Variants in MYO16 observed in about 807,000 individuals in gnomAD.
MYO16 encodes the protein unconventional myosin-XVI.
A neutral mutation model predicts 205.3 loss-of-function variants in MYO16; 94 were observed. The observed-to-expected ratio is 0.46, with a 90% CI of 0.39 to 0.54. The LOEUF is 0.54. MYO16 is among the 20% of genes least tolerant of loss of function. The probability of loss-of-function intolerance (pLI) is 0.00; values close to 1 mark genes in which losing one functional copy is unlikely to be tolerated. For missense variants in MYO16, 2,315 were observed against 2,387.5 expected (o/e 0.97, Z 0.63); for synonymous variants, 988 against 954.0 (o/e 1.04, Z -0.66).
At chr13:109,033,560 A>C (rs1474524767) in intron 23 of MYO16, among the ~76,000 whole-genome samples, 3 of 152,174 alleles carry the variant, frequency 2.0e-5, no homozygotes, top group African/African-American at 4.8e-5. Flanking sequence ...AAGAAAATGG[A>C]AAATTATTGA....
intron 16 of MYO16, among the ~76,000 whole-genome samples, chr13:108,928,792 A>AAAG (rs1882124221): frequency 1.3e-5 from 2 of 152,212 alleles, no homozygotes; most frequent in East Asian, 3.8e-4. Context: ...CAGGTAAGCC[A>AAAG]ATGATAGCTT....
At chr13:108,509,294 C>A in the MYO16 span, among the ~76,000 whole-genome samples, 19,254 of 151,968 alleles carry the variant, frequency 0.13, 1,374 homozygotes, top group East Asian at 0.23. Context: ...TTTTAAGTGA[C>A]GATTTCTCTC....
chr13:108,920,417 T>C (rs1468997532), intron 16 of MYO16, among the ~76,000 whole-genome samples: 1 of 151,750 alleles, frequency 6.6e-6, no homozygotes, highest in African/African-American at 2.4e-5. Flanking sequence ...TCTCTCTCTT[T>C]CTTTCTTTCC....
intron 15 of MYO16, among the ~76,000 whole-genome samples, chr13:108,901,536 C>T (rs1023416120): frequency 2.0e-5 from 3 of 152,088 alleles, no homozygotes; most frequent in African/African-American, 2.4e-5. Flanking sequence ...GAACTGTGAC[C>T]GTAAATTCAA....
intron 28 of MYO16, among the ~76,000 whole-genome samples, chr13:109,115,861 T>G (rs1457255978): frequency 2.0e-5 from 3 of 152,194 alleles, no homozygotes; most frequent in Non-Finnish European, 4.4e-5. Context: ...CTGTAAAGAC[T>G]GCATTCAGAA....
intron 4 of MYO16, among the ~76,000 whole-genome samples, chr13:108,768,719 A>C (rs1056406166): frequency 9.9e-5 from 15 of 152,172 alleles, no homozygotes; most frequent in Admixed American, 9.8e-4. Flanking sequence ...AGCATATTTG[A>C]GGAAAACATA....
At chr13:108,961,713 T>G (rs911069410) in intron 18 of MYO16, 57 bp downstream of exon 18, 4 of 1,347,950 alleles carry the variant, frequency 3.0e-6, no homozygotes, top group Non-Finnish European at 4.3e-6. Context: ...TTTGTAGATC[T>G]ACCAGTAGAT....
At chr13:108,703,268 A>G (rs1172608330) in intron 2 of MYO16, among the ~76,000 whole-genome samples, 1 of 152,168 alleles carries the variant, frequency 6.6e-6, no homozygotes, top group African/African-American at 2.4e-5. Context: ...AAGAGCTAGA[A>G]TACATATGTA....
At chr13:109,167,892 A>G (rs1010271251) in intron 33 of MYO16, among the ~76,000 whole-genome samples, 1 of 152,202 alleles carries the variant, frequency 6.6e-6, no homozygotes, top group Admixed American at 6.5e-5. Flanking sequence ...AGGAAAAAAA[A>G]TAAAAATGAA....
intron 4 of MYO16, among the ~76,000 whole-genome samples, chr13:108,736,500 A>G (rs569120523): frequency 5.9e-5 from 9 of 152,198 alleles, no homozygotes; most frequent in East Asian, 1.9e-4. Context: ...CCATTGGTCT[A>G]TATCTCTGTT....
chr13:108,581,177 G>T, the MYO16 span, among the ~76,000 whole-genome samples: 1 of 152,012 alleles, frequency 6.6e-6, no homozygotes, highest in Admixed American at 6.6e-5. Context: ...AGTGAAAAGC[G>T]ATATAAGAAC....
chr13:109,066,515 C>T (rs879929981), intron 27 of MYO16, among the ~76,000 whole-genome samples: 6 of 152,194 alleles, frequency 3.9e-5, no homozygotes, highest in African/African-American at 1.4e-4. Flanking sequence ...GCTTAAACAA[C>T]GCTTCCAGAA....
chr13:108,623,604 T>C (rs892930301), intron 1 of MYO16, among the ~76,000 whole-genome samples: 2 of 152,198 alleles, frequency 1.3e-5, no homozygotes, highest in East Asian at 1.9e-4. Context: ...CTGTCATGTA[T>C]GGTAAGTTAT....
At chr13:108,871,655 C>A (rs1239222280) in intron 12 of MYO16, among the ~76,000 whole-genome samples, 2 of 152,090 alleles carry the variant, frequency 1.3e-5, no homozygotes, top group African/African-American at 4.8e-5. Context: ...TGTTTCTGAA[C>A]CCTGAACTTG....
At chr13:108,892,632 C>G (rs1880225902) in intron 14 of MYO16, among the ~76,000 whole-genome samples, 1 of 152,180 alleles carries the variant, frequency 6.6e-6, no homozygotes, top group South Asian at 2.1e-4. Context: ...ACAACTGACA[C>G]TTAAGAGTTA....
intron 23 of MYO16, among the ~76,000 whole-genome samples, chr13:109,043,042 A>G (rs1283412957): frequency 6.6e-6 from 1 of 152,218 alleles, no homozygotes; most frequent in Non-Finnish European, 1.5e-5. Flanking sequence ...ATATCCACGT[A>G]AACCGGGTGC....
chr13:109,148,361 C>T (rs1877457958), intron 32 of MYO16, among the ~76,000 whole-genome samples: 1 of 152,194 alleles, frequency 6.6e-6, no homozygotes, highest in Admixed American at 6.5e-5. Flanking sequence ...ATTGTGCAAG[C>T]AGGAGGCCTA....
In MYO16 at chr13:108,950,668, G is replaced by A. The variant is rs542916781; in HGVS notation, c.1926-7020G>A. On this transcript the variant is annotated intron_variant, in intron 16 of 34. Transcript: ENST00000457511. ...TTATAAAACTATAGATGCAACTACC[G>A]TATGACCCAGATATTGCACTTCTCA... Among the ~76,000 whole-genome samples the A allele has an allele frequency of 1.3e-3, 197 of 152,266 alleles. 1 individual carries two copies. The highest frequency in any genetic ancestry group is 3.5e-3 in the Admixed American group (54 of 15,298).
At chr13:109,047,930 T>G (rs1369697227) in intron 24 of MYO16, among the ~76,000 whole-genome samples, 5 of 152,102 alleles carry the variant, frequency 3.3e-5, no homozygotes, top group African/African-American at 1.2e-4. Context: ...ATGTTTATTG[T>G]GAGTTCTCTT....
Sources: gnomAD v4.1 joint callset for allele counts (sites outside exome capture counted in the v4.1 genomes callset) on GRCh38, gnomAD v4.1.1 for gene constraint, MANE v1.5 for transcripts, NCBI Gene and HGNC (gene_info 2026-07-23, HGNC 2026-07-21) for gene names.